RERE: variants seen among roughly 807,000 people sequenced by gnomAD.
The protein encoded by RERE is arginine-glutamic acid dipeptide repeats, also known as arginine-glutamic acid dipeptide repeats protein.
Under a neutral mutation model 146.1 loss-of-function variants are expected in RERE, and 40 were observed. The ratio of observed to expected loss-of-function variants is 0.27; its 90% CI spans 0.21 to 0.36. The LOEUF is 0.36. Among genes scored for constraint, RERE ranks in the 10% least tolerant of loss-of-function variants. The pLI is 1.00. For synonymous variants in RERE, 1,003 were observed against 866.0 expected, an observed-to-expected ratio of 1.16 and a Z score of -2.78; for missense variants, 1,933 against 2,138.7, an observed-to-expected ratio of 0.90 and a Z score of 1.90.
chr1:8,525,948 G>C lies in RERE; in HGVS notation c.830+15266C>G, dbSNP rs1645564962. 3.0e-6 allele frequency: 4 copies of C among 1,343,794 alleles called. No homozygotes were observed. The South Asian group carries it at 5.7e-5, about 19-fold the overall frequency. 83.2% of individuals were successfully genotyped at this position (1,343,794 alleles called of 1,614,324 possible). The stretch of plus-strand genomic sequence containing the variant: ...GTGCTATGACCTAAGCCTTCACGCA[G>C]AACGCAGAAACTTCCCCTCACTCTG... On this transcript the variant is annotated intron_variant, in intron 7 of 22. Transcript: ENST00000400908.
At chr1:8,746,876 A>AAGAG (rs201913344) in intron 1 of RERE, among the ~76,000 whole-genome samples, 12 of 145,388 alleles carry the variant, frequency 8.3e-5, no homozygotes, top group Middle Eastern at 3.5e-3. Context: ...GGGAACAAAA[A>AAGAG]AGAGAGAGAG....
chr1:8,714,219 G>A (rs987991650), intron 1 of RERE, among the ~76,000 whole-genome samples: 1 of 152,098 alleles, frequency 6.6e-6, no homozygotes, highest in Non-Finnish European at 1.5e-5. Flanking sequence ...TAACAGATGG[G>A]AGTAAAATGA....
chr1:8,779,206 T>C (rs1280690006), intron 1 of RERE, among the ~76,000 whole-genome samples: 1 of 151,950 alleles, frequency 6.6e-6, no homozygotes, highest in Non-Finnish European at 1.5e-5. Context: ...GAAATAATTG[T>C]AAATATGAGA....
chr1:8,419,591 C>A (rs1337867916), intron 12 of RERE, among the ~76,000 whole-genome samples: 1 of 152,148 alleles, frequency 6.6e-6, no homozygotes, highest in African/African-American at 2.4e-5. Flanking sequence ...GAATTCTGTA[C>A]TTTTCAAAGC....
intron 2 of RERE, among the ~76,000 whole-genome samples, chr1:8,652,488 G>A (rs1647678441): frequency 6.6e-6 from 1 of 152,078 alleles, no homozygotes; most frequent in Admixed American, 6.5e-5. Context: ...CCATTCTCAC[G>A]CTGCTATAAA....
chr1:8,642,050 G>C (rs189585924), intron 2 of RERE, among the ~76,000 whole-genome samples: 3 of 152,064 alleles, frequency 2.0e-5, no homozygotes, highest in Admixed American at 2.0e-4. Context: ...AACATTTTGG[G>C]GGTCAAAAAA....
At chr1:8,498,343 G>A (rs1265235103) in intron 8 of RERE, among the ~76,000 whole-genome samples, 1 of 151,838 alleles carries the variant, frequency 6.6e-6, no homozygotes, top group Non-Finnish European at 1.5e-5. Context: ...GGGAGAGACA[G>A]AGCGAAATTC....
intron 11 of RERE, chr1:8,428,502 A>C (rs1028671115): frequency 5.9e-5 from 9 of 152,230 alleles, no homozygotes; most frequent in African/African-American, 9.6e-5. Context: ...ATAGTTTTCC[A>C]CTATTGAGCT....
chr1:8,381,136 T>C (rs1055916313), intron 12 of RERE: 20 of 381,614 alleles, frequency 5.2e-5, no homozygotes, highest in African/African-American at 3.2e-4. Context: ...GAGTTTCCGA[T>C]GCGCCTGTTT....
At chr1:8,405,083 G>GA in intron 12 of RERE, among the ~76,000 whole-genome samples, 1 of 152,278 alleles carries the variant, frequency 6.6e-6, no homozygotes, top group African/African-American at 2.4e-5. Context: ...AGTTTTCGAA[G>GA]AAAAAGGAGA....
At chr1:8,371,347 C>T (rs556856085) in intron 12 of RERE, among the ~76,000 whole-genome samples, 1 of 152,276 alleles carries the variant, frequency 6.6e-6, no homozygotes, top group East Asian at 1.9e-4. Context: ...CCAGGCTATA[C>T]ACTAAGATGG....
chr1:8,615,325 A>G (rs1442842312), intron 3 of RERE, among the ~76,000 whole-genome samples: 1 of 152,240 alleles, frequency 6.6e-6, no homozygotes, highest in African/African-American at 2.4e-5. Context: ...ATAGGCACAG[A>G]GCATAAAGTT....
Position 8,659,595 on chromosome 1 carries a change from T to C in RERE, c.-144-3154A>G, listed in dbSNP as rs944277969. Among the ~76,000 whole-genome samples, 22 of 152,330 alleles carry C rather than the reference T, an allele frequency of 1.4e-4. 1 individual carries two copies. The highest frequency in any genetic ancestry group is 6.5e-4 in the Admixed American group (10 of 15,296). On this transcript the variant is annotated intron_variant, in intron 1 of 22. Coordinates refer to ENST00000400908, the MANE Select transcript of RERE (RefSeq NM_001042681.2). ...AACAAAAAACGATCAGCTAACACCATTGTTAAAATGTTCCTCTTTGACCCT... is the reference window on the plus strand; with the variant it reads ...AACAAAAAACGATCAGCTAACACCACTGTTAAAATGTTCCTCTTTGACCCT...
intron 1 of RERE, among the ~76,000 whole-genome samples, chr1:8,721,855 C>T (rs1315321903): frequency 1.2e-4 from 18 of 152,096 alleles, no homozygotes. Flanking sequence ...TAACATAAAC[C>T]CTTATCTCTG....
intron 1 of RERE, among the ~76,000 whole-genome samples, chr1:8,673,190 G>A (rs1365576647): frequency 1.3e-5 from 2 of 152,126 alleles, no homozygotes; most frequent in East Asian, 1.9e-4. Flanking sequence ...CCACCTCCCA[G>A]GTTAAAGCAA....
At chr1:8,469,661 T>C (rs917226736) in intron 10 of RERE, among the ~76,000 whole-genome samples, 3 of 152,280 alleles carry the variant, frequency 2.0e-5, no homozygotes, top group Admixed American at 2.0e-4. Flanking sequence ...TAAAATCTTA[T>C]GTGCCTGCTA....
At chr1:8,493,140 C>A (rs539043436) in intron 10 of RERE, among the ~76,000 whole-genome samples, 2 of 152,176 alleles carry the variant, frequency 1.3e-5, no homozygotes, top group African/African-American at 4.8e-5. Flanking sequence ...CAAAGACTTT[C>A]TCTTTGTACA....
intron 4 of RERE, among the ~76,000 whole-genome samples, chr1:8,558,898 C>T (rs1000254735): frequency 6.7e-6 from 1 of 149,364 alleles, no homozygotes; most frequent in Admixed American, 6.7e-5. Flanking sequence ...TAGGTTCAAA[C>T]GATTCTCCTG....
chr1:8,499,092 C>T (rs1190725693), intron 8 of RERE, among the ~76,000 whole-genome samples: 2 of 151,874 alleles, frequency 1.3e-5, no homozygotes, highest in East Asian at 3.9e-4. Flanking sequence ...AAGCAGGTGC[C>T]ATGACCACCA....
Sources: allele counts gnomAD v4.1 joint callset (sites outside exome capture counted in the v4.1 genomes callset), GRCh38; gene constraint gnomAD v4.1.1; transcripts MANE v1.5; gene names NCBI Gene and HGNC (gene_info 2026-07-23, HGNC 2026-07-21).